Variants in FGF7 observed in about 807,000 individuals in gnomAD.
FGF7 encodes the protein fibroblast growth factor 7, also known as FGF-7.
A neutral mutation model predicts 20.5 loss-of-function variants in FGF7; 6 were observed. The observed-to-expected ratio is 0.29, with a 90% confidence interval of 0.16 to 0.58. The LOEUF is 0.58. FGF7 is among the 20% of genes least tolerant of loss of function. FGF7 has a pLI of 0.90. For synonymous variants in FGF7, 64 were observed against 74.7 expected, an observed-to-expected ratio of 0.86 and a Z score of 0.74; for missense variants, 144 against 228.8, an observed-to-expected ratio of 0.63 and a Z score of 2.39.
At chr15:49,441,114 T>C (rs1203434298) in intron 2 of FGF7, among the ~76,000 whole-genome samples, 1 of 151,730 alleles carries the variant, frequency 6.6e-6, no homozygotes, top group Non-Finnish European at 1.5e-5. Context: ...AATGTGGGAT[T>C]TGATTGGGTA....
In FGF7 at chr15:49,426,214, T is replaced by A. The variant is rs1178589472; in HGVS notation, c.286+1631T>A. Among the ~76,000 whole-genome samples, 7 of 152,000 alleles carry A rather than the reference T, an allele frequency of 4.6e-5. No individual in the cohort carries two copies. The East Asian group carries it at 1.4e-3, about 30-fold the overall frequency. ...TAAAATGTGGGATAGGTACAGATGA[T>A]TTCCATGATACTTTCCAGTTCTTAT... On this transcript the variant is annotated intron_variant, in intron 2 of 3. Coordinates refer to ENST00000267843, the MANE Select transcript of FGF7 (RefSeq NM_002009.4).
chr15:49,486,022 T>A lies in FGF7; in HGVS notation c.*1518T>A, dbSNP rs908847850. ...ACAGATAACAGGATTATTACAAGGA[T>A]GAATTTCCACTTCAAAAGTCTTTCA... On this transcript the variant is annotated 3_prime_UTR_variant, in exon 4 of 4. Coordinates refer to ENST00000267843, the MANE Select transcript of FGF7 (RefSeq NM_002009.4). 2.0e-5 allele frequency: 3 copies of A among 152,012 alleles called. No individual in the cohort carries two copies. Among genetic ancestry groups the A allele is most frequent in the Admixed American group, 2.0e-4 (3 of 15,226 alleles). The allele number at this position is 152,012 out of a possible 1,614,324, so 9.4% of individuals were successfully genotyped here.
Position 49,484,929 on chromosome 15 carries a change from A to G in FGF7, c.*425A>G, listed in dbSNP as rs1057638. 49,490 of 152,694 alleles carry G rather than the reference A, an allele frequency of 0.32. 8,741 individuals are homozygous for G. The highest frequency in any genetic ancestry group is 0.45 in the African/African-American group (18,718 of 41,420). 9.5% of individuals were successfully genotyped at this position (152,694 alleles called of 1,614,324 possible). A position where few individuals can be genotyped will look rare whatever the true frequency, so the allele number is the denominator to read the frequency against. ...GTTATATAAGGTATATCAGACCTACAGGCTTCTGGCAGGATTTGTCAGATA... is the reference window on the plus strand; with the variant it reads ...GTTATATAAGGTATATCAGACCTACGGGCTTCTGGCAGGATTTGTCAGATA... On this transcript the variant is annotated 3_prime_UTR_variant, in exon 4 of 4. Transcript: ENST00000267843.
chr15:49,475,051 A>G (rs2055133712), intron 2 of FGF7, among the ~76,000 whole-genome samples: 1 of 152,232 alleles, frequency 6.6e-6, no homozygotes, highest in Non-Finnish European at 1.5e-5. Flanking sequence ...ACTTTTAAGC[A>G]TAGATACAAT....
chr15:49,424,688 TAAATA>T, intron 2 of FGF7, 105 bp downstream of exon 2: 1 of 889,556 alleles, frequency 1.1e-6, no homozygotes, highest in Non-Finnish European at 1.7e-6. Flanking sequence ...GAAAAAAAAT[TAAATA>T]AAATGTCACC....
intron 2 of FGF7, among the ~76,000 whole-genome samples, chr15:49,461,288 CAATT>C (rs2151928485): frequency 6.6e-6 from 1 of 152,272 alleles, no homozygotes; most frequent in South Asian, 2.1e-4. Context: ...AGAGAGCTAA[CAATT>C]TATTTTTTGT....
At chr15:49,459,642 A>C (rs2053616827) in intron 2 of FGF7, among the ~76,000 whole-genome samples, 1 of 152,170 alleles carries the variant, frequency 6.6e-6, no homozygotes, top group African/African-American at 2.4e-5. Context: ...GGAATAATTA[A>C]AACTAGTATT....
At chr15:49,447,502 C>T (rs1271409334) in intron 2 of FGF7, among the ~76,000 whole-genome samples, 1 of 151,580 alleles carries the variant, frequency 6.6e-6, no homozygotes, top group Non-Finnish European at 1.5e-5. Flanking sequence ...AAGAGATTCT[C>T]AATCTTAATG....
chr15:49,479,253 CTTT>C (rs869124113), intron 2 of FGF7, among the ~76,000 whole-genome samples: 2 of 152,086 alleles, frequency 1.3e-5, no homozygotes, highest in Admixed American at 6.5e-5. Context: ...TTCTCTCTCT[CTTT>C]TATTTATATT....
rs2056600721 is a variant in FGF7 at position 49,488,539 on chromosome 15, T to C, written c.*4035T>C. On this transcript the variant is annotated 3_prime_UTR_variant, in exon 4 of 4. Transcript: ENST00000267843. ...AGATATTTACTCTCATCTGGGAAGA[T>C]GCCTCTTATGTTTTCCTTTTACTTC... 1 of 152,004 alleles carries C rather than the reference T, an allele frequency of 6.6e-6. No individual in the cohort carries two copies. The highest frequency in any genetic ancestry group is 1.5e-5 in the Non-Finnish European group (1 of 67,932). The allele number at this position is 152,004 out of a possible 1,614,324, so 9.4% of individuals were successfully genotyped here. A position where few individuals can be genotyped will look rare whatever the true frequency, so the allele number is the denominator to read the frequency against.
intron 2 of FGF7, among the ~76,000 whole-genome samples, chr15:49,436,185 A>T (rs2051089870): frequency 6.6e-6 from 1 of 151,564 alleles, no homozygotes; most frequent in Non-Finnish European, 1.5e-5. Flanking sequence ...ATTTTAGTGA[A>T]GAAAGATTGG....
At chr15:49,423,832 A>T (rs757003986) in intron 1 of FGF7, among the ~76,000 whole-genome samples, 200 bp from the exon 2 acceptor site, 1 of 152,054 alleles carries the variant, frequency 6.6e-6, no homozygotes, top group Non-Finnish European at 1.5e-5. Flanking sequence ...TTTTGTCTCT[A>T]CTCATGCATA....
intron 2 of FGF7, among the ~76,000 whole-genome samples, chr15:49,459,971 C>T (rs571757827): frequency 3.3e-5 from 5 of 152,170 alleles, no homozygotes; most frequent in Admixed American, 3.3e-4. Flanking sequence ...TATTTTTATC[C>T]ACCCACACAC....
intron 2 of FGF7, among the ~76,000 whole-genome samples, chr15:49,434,028 T>C (rs145729075): frequency 2.8e-3 from 427 of 151,642 alleles, no homozygotes; most frequent in Non-Finnish European, 4.6e-3. Flanking sequence ...GGAGAGGGCA[T>C]ATGCATAGGA....
At chr15:49,436,348 T>C (rs998373480) in intron 2 of FGF7, among the ~76,000 whole-genome samples, 26 of 151,738 alleles carry the variant, frequency 1.7e-4, no homozygotes, top group African/African-American at 6.0e-4. Context: ...ATTAACATCA[T>C]TGTATATTAA....
chr15:49,452,021 T>G (rs890907480), intron 2 of FGF7, among the ~76,000 whole-genome samples: 6 of 152,098 alleles, frequency 3.9e-5, no homozygotes, highest in Non-Finnish European at 7.4e-5. Flanking sequence ...TGACATAGAT[T>G]CAAAATTTGA....
intron 2 of FGF7, among the ~76,000 whole-genome samples, chr15:49,445,802 A>G (rs1441989619): frequency 6.6e-6 from 1 of 151,578 alleles, no homozygotes; most frequent in African/African-American, 2.4e-5. Flanking sequence ...AAAAGAGTGT[A>G]TTTGAAACTC....
rs577698138 is a variant in FGF7 at position 49,475,754 on chromosome 15, G to A, written c.287-7397G>A. ...TGTAATCCCAACCCTTTGGGAGGCTGAGGCAGGTGAATCACCTGAGGTCAG... is the reference window on the plus strand; with the variant it reads ...TGTAATCCCAACCCTTTGGGAGGCTAAGGCAGGTGAATCACCTGAGGTCAG... On this transcript the variant is annotated intron_variant, in intron 2 of 3. Transcript: ENST00000267843. Among the ~76,000 whole-genome samples, 359 of 152,256 alleles carry A rather than the reference G, an allele frequency of 2.4e-3. 1 individual carries two copies. Among genetic ancestry groups the A allele is most frequent in the African/African-American group, 8.4e-3 (347 of 41,556 alleles).
chr15:49,444,498 G>C (rs2051993231), intron 2 of FGF7, among the ~76,000 whole-genome samples: 1 of 151,714 alleles, frequency 6.6e-6, no homozygotes, highest in Non-Finnish European at 1.5e-5. Flanking sequence ...GAAATTATCT[G>C]CTTCAAAACA....
Sources: gnomAD v4.1 joint callset for allele counts (sites outside exome capture counted in the v4.1 genomes callset) on GRCh38, gnomAD v4.1.1 for gene constraint, MANE v1.5 for transcripts, NCBI Gene and HGNC (gene_info 2026-07-23, HGNC 2026-07-21) for gene names.